Variants in TNFAIP8L3 observed in about 807,000 individuals in gnomAD.
TNFAIP8L3 encodes the protein tumor necrosis factor alpha-induced protein 8-like protein 3.
In TNFAIP8L3, 7 loss-of-function variants were observed where a neutral mutation model predicts 11.8. The observed-to-expected ratio is 0.59, with a 90% CI of 0.34 to 1.11. The LOEUF is 1.11. TNFAIP8L3 is among the 50% of genes most tolerant of loss of function. The pLI, the probability that TNFAIP8L3 is intolerant of heterozygous loss-of-function variation, is 0.03. For missense variants in TNFAIP8L3, 219 were observed against 258.6 expected (o/e 0.85, Z 1.05); for synonymous variants, 98 against 103.8 (o/e 0.94, Z 0.34).
chr15:51,060,747 G>T (rs2065237643), intron 1 of TNFAIP8L3, among the ~76,000 whole-genome samples: 1 of 152,246 alleles, frequency 6.6e-6, no homozygotes, highest in African/African-American at 2.4e-5. Context: ...CTGCTGGCCT[G>T]ATTCCATACC....
At chr15:51,092,016 G>T (rs1595619348) in intron 1 of TNFAIP8L3, among the ~76,000 whole-genome samples, 1 of 152,204 alleles carries the variant, frequency 6.6e-6, no homozygotes, top group Non-Finnish European at 1.5e-5. Flanking sequence ...TCATTTTACA[G>T]AGTGGGAAAC....
intron 1 of TNFAIP8L3, among the ~76,000 whole-genome samples, chr15:51,082,146 G>T (rs906358234): frequency 2.6e-5 from 4 of 151,518 alleles, no homozygotes; most frequent in African/African-American, 9.7e-5. Flanking sequence ...TCTCAGAAAT[G>T]CATTAGGGGA....
intron 1 of TNFAIP8L3, among the ~76,000 whole-genome samples, chr15:51,074,197 C>G (rs1178794341): frequency 1.3e-5 from 2 of 152,308 alleles, no homozygotes; most frequent in East Asian, 3.9e-4. Context: ...CCTTCTTTTT[C>G]TGTGTCTGAG....
intron 1 of TNFAIP8L3, among the ~76,000 whole-genome samples, chr15:51,077,732 T>G (rs2065363338): frequency 6.6e-6 from 1 of 152,194 alleles, no homozygotes; most frequent in African/African-American, 2.4e-5. Context: ...AGCTTCTCGC[T>G]TAATAATATG....
At chr15:51,105,071 T>G in exon 1 of TNFAIP8L3, 2 of 1,614,210 alleles carry the variant, frequency 1.2e-6, no homozygotes, top group Non-Finnish European at 1.7e-6. Flanking sequence ...GTGGCATCCC[T>G]TGTGCCTTGG....
In TNFAIP8L3 at chr15:51,057,986, A is replaced by G. The variant is rs2065217045; in HGVS notation, c.510T>C (p.Asp170=). 5.0e-6 allele frequency: 8 copies of G among 1,614,252 alleles called. No individual in the cohort carries two copies. Among genetic ancestry groups the G allele is most frequent in the African/African-American group, 1.3e-5 (1 of 75,068 alleles). ...RINHVFNHFA[D]VEFLSTLYSL... ...TATAGAGGGTGGAGAGGAACTCCAC[A>G]TCGGCAAAGTGGTTAAAGACGTGGT... is the stretch of plus-strand genomic sequence containing the variant. Residue 170 remains aspartate, a synonymous_variant, in exon 2 of 2, where the codon GAT becomes GAC. Transcript: ENST00000637513.
At chr15:51,095,802 C>T (rs991540800), upstream of TNFAIP8L3, among the ~76,000 whole-genome samples, 1 of 152,148 alleles carries the variant, frequency 6.6e-6, no homozygotes, top group African/African-American at 2.4e-5. Context: ...CCTACACTCA[C>T]AAAGCCTCAA....
At chr15:51,063,578 C>T (rs1367885222) in intron 1 of TNFAIP8L3, among the ~76,000 whole-genome samples, 1 of 152,190 alleles carries the variant, frequency 6.6e-6, no homozygotes, top group East Asian at 1.9e-4. Flanking sequence ...CTTTTTAATT[C>T]TAGAGCCAAC....
At chr15:51,068,362 G>A (rs1056407172) in intron 1 of TNFAIP8L3, among the ~76,000 whole-genome samples, 5 of 152,274 alleles carry the variant, frequency 3.3e-5, no homozygotes, top group African/African-American at 1.2e-4. Flanking sequence ...GGTGGAGATA[G>A]TGACACCAGC....
intron 1 of TNFAIP8L3, among the ~76,000 whole-genome samples, chr15:51,063,079 G>GA (rs931091587): frequency 3.9e-5 from 6 of 152,008 alleles, no homozygotes; most frequent in Non-Finnish European, 5.9e-5. Flanking sequence ...GAGCCTCCAG[G>GA]AAAAAAACAA....
intron 1 of TNFAIP8L3, among the ~76,000 whole-genome samples, chr15:51,071,743 C>T (rs1191546611): frequency 6.6e-6 from 1 of 152,240 alleles, no homozygotes; most frequent in Non-Finnish European, 1.5e-5. Flanking sequence ...GCAGCAAGGG[C>T]TGCCAATGGC....
At chr15:51,096,373 G>A (rs1231898536), upstream of TNFAIP8L3, among the ~76,000 whole-genome samples, 6 of 152,172 alleles carry the variant, frequency 3.9e-5, no homozygotes, top group East Asian at 3.9e-4. Context: ...CCCCACAGTG[G>A]ATGTGTTATC....
At chr15:51,060,906 C>T (rs766004629) in intron 1 of TNFAIP8L3, among the ~76,000 whole-genome samples, 10 of 152,152 alleles carry the variant, frequency 6.6e-5, no homozygotes, top group African/African-American at 1.7e-4. Flanking sequence ...GAGGCTGAGG[C>T]GGGTGGATCA....
chr15:51,067,846 A>G (rs2065281923), intron 1 of TNFAIP8L3, among the ~76,000 whole-genome samples: 1 of 152,242 alleles, frequency 6.6e-6, no homozygotes, highest in African/African-American at 2.4e-5. Context: ...ACATGTGAAC[A>G]GCAGGAAAAC....
In TNFAIP8L3 at chr15:51,057,840, T is replaced by C. The variant is rs765141817; in HGVS notation, c.*41A>G. ...TCTCACCCAGATCATGGTTGAGTGC[T>C]GTAACTTTAAAGCAGCAAAGTCCAG... On this transcript the variant is annotated 3_prime_UTR_variant, in exon 2 of 2. Coordinates refer to ENST00000637513, the MANE Select transcript of TNFAIP8L3 (RefSeq NM_001311175.2). The C allele has an allele frequency of 4.0e-6, 6 of 1,494,988 alleles. No homozygotes were observed. The highest frequency in any genetic ancestry group is 5.4e-6 in the Non-Finnish European group (6 of 1,110,358). 92.6% of individuals were successfully genotyped at this position (1,494,988 alleles called of 1,614,324 possible).
In TNFAIP8L3 at chr15:51,105,173, C is replaced by G. The variant is rs776564891; in HGVS notation, c.4G>C (p.Gly2Arg). ...GTGCTTGGGTTTTGCCGTGGTTTCCCCATTTGGACTCAGGTGTCCTTCTTG... is the reference window on the plus strand; with the variant it reads ...GTGCTTGGGTTTTGCCGTGGTTTCCGCATTTGGACTCAGGTGTCCTTCTTG... The change falls in exon 1 of 3, where the codon GGG becomes CGG. Residue 2 changes from glycine (G) to arginine (R), a missense_variant. Coordinates refer to the TNFAIP8L3 transcript ENST00000327536. 23 of 1,613,264 alleles carry G rather than the reference C, an allele frequency of 1.4e-5. No homozygotes were observed. The South Asian group carries it at 2.2e-4, about 15-fold the overall frequency.
upstream of TNFAIP8L3, among the ~76,000 whole-genome samples, chr15:51,098,852 C>G (rs2065530913): frequency 6.6e-6 from 1 of 152,154 alleles, no homozygotes; most frequent in Non-Finnish European, 1.5e-5. Context: ...AATAGCTGTA[C>G]AATATTCTAC....
intron 1 of TNFAIP8L3, among the ~76,000 whole-genome samples, chr15:51,063,633 T>G (rs1161591603): frequency 6.6e-6 from 1 of 152,246 alleles, no homozygotes; most frequent in East Asian, 1.9e-4. Context: ...CCTTGTTTTC[T>G]CTGCAATTAT....
chr15:51,095,683 C>T (rs1456786832), upstream of TNFAIP8L3, among the ~76,000 whole-genome samples: 1 of 152,068 alleles, frequency 6.6e-6, no homozygotes, highest in Non-Finnish European at 1.5e-5. Flanking sequence ...AACCTATTTA[C>T]TAATTAAGAG....
Sources: gnomAD v4.1 joint callset for allele counts (sites outside exome capture counted in the v4.1 genomes callset) on GRCh38, gnomAD v4.1.1 for gene constraint, MANE v1.5 for transcripts, NCBI Gene and HGNC (gene_info 2026-07-23, HGNC 2026-07-21) for gene names.